Variants in KDM2B observed in about 807,000 individuals in gnomAD.
KDM2B encodes lysine-specific demethylase 2B.
A neutral mutation model predicts 150.0 loss-of-function variants in KDM2B; 26 were observed. That is an observed-to-expected ratio of 0.17 (90% CI 0.13 to 0.24). KDM2B has a LOEUF of 0.24. KDM2B is among the 10% of genes least tolerant of loss of function. KDM2B has a pLI of 1.00. For missense variants in KDM2B, 1,265 were observed against 1,816.9 expected (o/e 0.70, Z 5.52); for synonymous variants, 734 against 729.5 (o/e 1.01, Z -0.10).
the KDM2B span, chr12:121,417,556 A>C: frequency 1.2e-6 from 2 of 1,614,154 alleles, no homozygotes; most frequent in Non-Finnish European, 1.7e-6. This position sits in a 1 kb window ranked among gnomAD's most constrained non-coding sequence, Gnocchi z 5.0. Context: ...TCAGTCTTAC[A>C]AGAAAATCTC....
At chr12:121,440,160 C>A in intron 21 of KDM2B, 85 bp from the exon 22 acceptor site, 1 of 915,896 alleles carries the variant, frequency 1.1e-6, no homozygotes, top group Non-Finnish European at 1.7e-6. Context: ...AAAGGCCCAC[C>A]AGCCAGACAG....
At chr12:121,577,149 C>T (rs1299271768) in intron 2 of KDM2B, among the ~76,000 whole-genome samples, 7 of 152,090 alleles carry the variant, frequency 4.6e-5, no homozygotes, top group African/African-American at 1.7e-4. Flanking sequence ...TGAAAGAAGC[C>T]GGGAGAGCAG....
chr12:121,463,384 T>C (rs1449432402), intron 12 of KDM2B, among the ~76,000 whole-genome samples: 17 of 151,812 alleles, frequency 1.1e-4, no homozygotes, highest in African/African-American at 3.9e-4. Context: ...GATGGGTTGA[T>C]AGGTACAGCA....
In KDM2B at chr12:121,467,451, G is replaced by T; in HGVS notation, c.1735-14107C>A. 1.4e-6 allele frequency: 1 copy of T among 717,444 alleles called. No individual in the cohort carries two copies. The highest frequency in any genetic ancestry group is 1.7e-6 in the Non-Finnish European group (1 of 587,770). The allele number at this position is 717,444 out of a possible 1,614,324, so 44.4% of individuals were successfully genotyped here. The stretch of plus-strand genomic sequence containing the variant: ...TATGCATGAGGCGAGCCAGGAAGGG[G>T]CTGGCCCCCCGGGCGGGCGGGCCAA... On this transcript the variant is annotated intron_variant, in intron 12 of 22. Coordinates refer to ENST00000377071, the MANE Select transcript of KDM2B (RefSeq NM_032590.5). This position sits in a 1 kb window ranked among gnomAD's most constrained non-coding sequence, Gnocchi z 5.1.
intron 12 of KDM2B, among the ~76,000 whole-genome samples, chr12:121,481,589 G>A (rs527551505): frequency 2.2e-4 from 34 of 152,156 alleles, no homozygotes; most frequent in African/African-American, 8.0e-4. Flanking sequence ...ATGATCAAAT[G>A]TCCTCCTTTA....
chr12:121,520,832 C>T lies in KDM2B; in HGVS notation c.1047+153G>A, dbSNP rs548730179. 2.0e-5 allele frequency among the ~76,000 whole-genome samples: 3 copies of T among 152,094 alleles called. No individual in the cohort carries two copies. The highest frequency in any genetic ancestry group is 1.9e-4 in the East Asian group (1 of 5,152). On this transcript the variant is annotated intron_variant, in intron 9 of 22. Coordinates refer to ENST00000377071, the MANE Select transcript of KDM2B (RefSeq NM_032590.5). The surrounding 1 kb of genome is among the most constrained non-coding windows in gnomAD (Gnocchi z 4.5). ...AGGCATTCCCCTGCCCCCCCTCCCC[C>T]GCCACAGAACCAGGACTGAAGCCAG...
intron 12 of KDM2B, chr12:121,470,689 T>C (rs1880681280): frequency 6.6e-6 from 1 of 151,712 alleles, no homozygotes; most frequent in African/African-American, 2.4e-5. Context: ...GCCTGGGCTC[T>C]CAACTGCACC....
At position 121,467,281 on chromosome 12, in the gene KDM2B, G is replaced by T; in HGVS notation, c.1735-13937C>A. ...CGGCGCCGCCGCCGCCGCCCGCCCGGAGCAGGCTCGGCTCGCCCTGGCTCG... is the reference window on the plus strand; with the variant it reads ...CGGCGCCGCCGCCGCCGCCCGCCCGTAGCAGGCTCGGCTCGCCCTGGCTCG... On this transcript the variant is annotated intron_variant, in intron 12 of 22. Coordinates refer to ENST00000377071, the MANE Select transcript of KDM2B (RefSeq NM_032590.5). This position sits in a 1 kb window ranked among gnomAD's most constrained non-coding sequence, Gnocchi z 5.1. 1 of 986,786 alleles carries T rather than the reference G, an allele frequency of 1.0e-6. No homozygotes were observed. The highest frequency in any genetic ancestry group is 4.4e-5 in the South Asian group (1 of 22,734). 61.1% of individuals were successfully genotyped at this position (986,786 alleles called of 1,614,324 possible).
intron 11 of KDM2B, among the ~76,000 whole-genome samples, chr12:121,500,495 G>C (rs1884436041): frequency 6.6e-6 from 1 of 152,236 alleles, no homozygotes; most frequent in South Asian, 2.1e-4. Flanking sequence ...GTTAACAATG[G>C]ATTCGGGTCC....
chr12:121,449,689 T>A (rs1217608207), intron 13 of KDM2B, among the ~76,000 whole-genome samples: 1 of 152,190 alleles, frequency 6.6e-6, no homozygotes, highest in Admixed American at 6.5e-5. Flanking sequence ...AAACCAACAG[T>A]TGCTATAGAC....
chr12:121,523,582 G>A (rs1886875818), intron 8 of KDM2B, among the ~76,000 whole-genome samples: 1 of 152,226 alleles, frequency 6.6e-6, no homozygotes, highest in African/African-American at 2.4e-5. Context: ...CACCACTGCT[G>A]GGAGCAACGC....
At chr12:121,482,408 T>G (rs1882253043) in intron 12 of KDM2B, among the ~76,000 whole-genome samples, 1 of 152,162 alleles carries the variant, frequency 6.6e-6, no homozygotes, top group Non-Finnish European at 1.5e-5. Context: ...GTTCAAGCAA[T>G]TCTCCTGCCT....
chr12:121,494,896 A>T (rs1883747579), intron 11 of KDM2B, among the ~76,000 whole-genome samples: 1 of 152,132 alleles, frequency 6.6e-6, no homozygotes, highest in Non-Finnish European at 1.5e-5. Context: ...TAACAAAGCA[A>T]ATCACATACC....
At position 121,467,261 on chromosome 12, in the gene KDM2B, C is replaced by G. The variant is rs1182605845; in HGVS notation, c.1735-13917G>C. On this transcript the variant is annotated intron_variant, in intron 12 of 22. Transcript: ENST00000377071. This position sits in a 1 kb window ranked among gnomAD's most constrained non-coding sequence, Gnocchi z 5.1. ...GCGCGCTGACATGGCTGGAGCGGCG[C>G]CGCCGCCGCCGCCCGCCCGGAGCAG... 114 of 987,180 alleles carry G rather than the reference C, an allele frequency of 1.2e-4. No individual in the cohort carries two copies. Among genetic ancestry groups the G allele is most frequent in the Non-Finnish European group, 1.3e-4 (104 of 831,282 alleles). The allele number at this position is 987,180 out of a possible 1,614,324, so 61.2% of individuals were successfully genotyped here. A position where few individuals can be genotyped will look rare whatever the true frequency, so the allele number is the denominator to read the frequency against.
chr12:121,574,606 G>A lies in KDM2B; in HGVS notation c.351-13C>T. 6.2e-7 allele frequency: 1 copy of A among 1,613,818 alleles called. No homozygotes were observed. Among genetic ancestry groups the A allele is most frequent in the Non-Finnish European group, 8.5e-7 (1 of 1,179,804 alleles). ...AGGGTCAGGCATCCTGGGGAAAGAG[G>A]AGCACAGACCTTTGGTGAGAGGCCA... On this transcript the variant is annotated splice_polypyrimidine_tract_variant and intron_variant, in intron 3 of 22. Transcript: ENST00000377071.
intron 12 of KDM2B, among the ~76,000 whole-genome samples, chr12:121,482,899 C>G (rs1555298172): frequency 6.6e-6 from 1 of 152,136 alleles, no homozygotes; most frequent in East Asian, 1.9e-4. Flanking sequence ...GGTGCAGTGG[C>G]TCACACTTGT....
chr12:121,568,637 G>A (rs187082054), intron 4 of KDM2B, among the ~76,000 whole-genome samples: 1 of 152,180 alleles, frequency 6.6e-6, no homozygotes, highest in East Asian at 1.9e-4. Flanking sequence ...GAAAACAGGC[G>A]AAACTCATCC....
intron 4 of KDM2B, among the ~76,000 whole-genome samples, chr12:121,573,641 G>C (rs1039900769): frequency 3.4e-5 from 5 of 148,670 alleles, no homozygotes; most frequent in African/African-American, 1.2e-4. Flanking sequence ...CTGGAGCGCA[G>C]TGGCGCCATC....
At chr12:121,421,371 TAAAAAA>T in the KDM2B span, among the ~76,000 whole-genome samples, 4 of 46,370 alleles carry the variant, frequency 8.6e-5, 1 homozygote, top group Middle Eastern at 0.042. Context: ...ATCCCATCTC[TAAAAAA>T]AAAAAAAAAA....
Sources: gnomAD v4.1 joint callset for allele counts (sites outside exome capture counted in the v4.1 genomes callset) on GRCh38, gnomAD v4.1.1 for gene constraint, Gnocchi (gnomAD v3.1) non-coding constraint, MANE v1.5 for transcripts, NCBI Gene and HGNC (gene_info 2026-07-23, HGNC 2026-07-21) for gene names.